Variants in FOXN3 observed in about 807,000 individuals in gnomAD.
FOXN3 encodes forkhead box protein N3.
A neutral mutation model predicts 38.4 loss-of-function variants in FOXN3; 7 were observed. That is an observed-to-expected ratio of 0.18 (90% CI 0.10 to 0.34). FOXN3 has a LOEUF of 0.34. Among genes scored for constraint, FOXN3 ranks in the 10% least tolerant of loss-of-function variants. The probability of loss-of-function intolerance (pLI) is 1.00; values close to 1 mark genes in which losing one functional copy is unlikely to be tolerated. For missense variants in FOXN3, 456 were observed against 613.4 expected, an observed-to-expected ratio of 0.74 and a Z score of 2.71; for synonymous variants, 230 against 242.2, an observed-to-expected ratio of 0.95 and a Z score of 0.47.
chr14:89,308,273 G>A (rs1314679195), intron 3 of FOXN3, among the ~76,000 whole-genome samples: 1 of 152,096 alleles, frequency 6.6e-6, no homozygotes, highest in Non-Finnish European at 1.5e-5. Flanking sequence ...CAAAACAAAT[G>A]AACAAACAGA....
intron 1 of FOXN3, among the ~76,000 whole-genome samples, chr14:89,558,986 C>T (rs1489119211): frequency 2.0e-5 from 3 of 152,282 alleles, no homozygotes; most frequent in Middle Eastern, 3.4e-3. Context: ...CTTTCTGGAA[C>T]GCACAGCGCT....
chr14:89,169,740 G>GA (rs971407490), intron 5 of FOXN3, among the ~76,000 whole-genome samples: 4 of 151,824 alleles, frequency 2.6e-5, no homozygotes, highest in African/African-American at 9.7e-5. Flanking sequence ...ACTAAATGAA[G>GA]AAAAACAGAA....
At chr14:89,435,843 C>CA (rs1892264351) in intron 1 of FOXN3, among the ~76,000 whole-genome samples, 1 of 152,182 alleles carries the variant, frequency 6.6e-6, no homozygotes, top group Non-Finnish European at 1.5e-5. Context: ...CCAATGGCTA[C>CA]AGTCATGCAA....
chr14:89,467,759 C>G (rs1435999588), intron 1 of FOXN3, among the ~76,000 whole-genome samples: 1 of 148,486 alleles, frequency 6.7e-6, no homozygotes, highest in Non-Finnish European at 1.5e-5. Flanking sequence ...CCAAGCCCAC[C>G]AAGCTCCCAG....
intron 1 of FOXN3, among the ~76,000 whole-genome samples, chr14:89,549,468 C>A (rs1453515131): frequency 1.3e-5 from 2 of 152,140 alleles, no homozygotes; most frequent in Non-Finnish European, 2.9e-5. Context: ...CGGAAAGACG[C>A]ATCCTCTGAG....
chr14:89,486,399 G>A (rs1027823262), intron 1 of FOXN3, among the ~76,000 whole-genome samples: 1 of 152,138 alleles, frequency 6.6e-6, no homozygotes, highest in Admixed American at 6.5e-5. Flanking sequence ...TGTCAAGTCT[G>A]ATCAGCTGCA....
intron 3 of FOXN3, among the ~76,000 whole-genome samples, chr14:89,287,968 G>A (rs1316910488): frequency 6.6e-6 from 1 of 152,056 alleles, no homozygotes; most frequent in East Asian, 1.9e-4. Context: ...GCTGAGGTGG[G>A]TGGATCGCTT....
upstream of FOXN3, chr14:89,417,864 G>T (rs1283141915): frequency 2.4e-6 from 1 of 422,928 alleles, no homozygotes; most frequent in Non-Finnish European, 4.8e-6. Context: ...GCCATTACAA[G>T]ACAAGAGGCA....
At chr14:89,618,883 A>C (rs532641506) in intron 1 of FOXN3, 1 of 152,552 alleles carries the variant, frequency 6.6e-6, no homozygotes, top group Admixed American at 6.5e-5. Flanking sequence ...ATCAATCTGA[A>C]ACCAGGTGGA....
chr14:89,430,946 G>A (rs993866141), intron 1 of FOXN3, among the ~76,000 whole-genome samples: 1 of 152,182 alleles, frequency 6.6e-6, no homozygotes, highest in Non-Finnish European at 1.5e-5. Flanking sequence ...ATGCGTTGCA[G>A]GCAAATTAAG....
intron 1 of FOXN3, among the ~76,000 whole-genome samples, chr14:89,602,818 C>T (rs562355234): frequency 6.6e-6 from 1 of 152,280 alleles, no homozygotes; most frequent in African/African-American, 2.4e-5. Flanking sequence ...AAAAGTCCAG[C>T]ACAACATTCA....
At chr14:89,360,772 C>G (rs1889498718) in intron 2 of FOXN3, among the ~76,000 whole-genome samples, 1 of 108,192 alleles carries the variant, frequency 9.2e-6, no homozygotes, top group South Asian at 3.4e-4. Flanking sequence ...ACCACTACCA[C>G]CTCCACCACC....
rs111572189 is a variant in FOXN3, at chr14:89,464,359, A to G, written c.-14-51869T>C. 5.6e-4 allele frequency among the ~76,000 whole-genome samples: 85 copies of G among 152,260 alleles called. 1 individual carries two copies. Among genetic ancestry groups the G allele is most frequent in the African/African-American group, 1.9e-3 (78 of 41,556 alleles). On this transcript the variant is annotated intron_variant, in intron 1 of 6. Transcript: ENST00000345097. Reference sequence around the variant, plus strand: ...AGCCTTCCCCTGATTCATGGCCAAGAGCACTCATCCTCTATAGCTCCTTGA... The same window carrying G: ...AGCCTTCCCCTGATTCATGGCCAAGGGCACTCATCCTCTATAGCTCCTTGA...
intron 1 of FOXN3, among the ~76,000 whole-genome samples, chr14:89,540,093 T>C (rs1894765272): frequency 6.6e-6 from 1 of 152,204 alleles, no homozygotes; most frequent in Non-Finnish European, 1.5e-5. Flanking sequence ...ATAAATACTT[T>C]TAGTTGTTTT....
chr14:89,510,073 A>G (rs1390938124), intron 1 of FOXN3, among the ~76,000 whole-genome samples: 3 of 152,174 alleles, frequency 2.0e-5, no homozygotes, highest in African/African-American at 7.2e-5. Context: ...GATAGATATC[A>G]GCAGGCAGAC....
intron 1 of FOXN3, among the ~76,000 whole-genome samples, chr14:89,528,060 T>C (rs993042130): frequency 1.3e-5 from 2 of 152,208 alleles, no homozygotes; most frequent in African/African-American, 4.8e-5. Context: ...CATACCCTGC[T>C]GGTAGAAATG....
chr14:89,477,074 T>C (rs768543455), intron 1 of FOXN3, among the ~76,000 whole-genome samples: 6 of 152,170 alleles, frequency 3.9e-5, no homozygotes, highest in South Asian at 2.1e-4. Flanking sequence ...AGTAAGGATA[T>C]TGAACTCACT....
chr14:89,208,374 T>C (rs1888440892), intron 4 of FOXN3, among the ~76,000 whole-genome samples: 1 of 152,200 alleles, frequency 6.6e-6, no homozygotes. Flanking sequence ...GCATTTTACT[T>C]CTTTAAATAG....
chr14:89,420,138 A>G (rs1433137493), upstream of FOXN3, among the ~76,000 whole-genome samples: 1 of 152,210 alleles, frequency 6.6e-6, no homozygotes, highest in Non-Finnish European at 1.5e-5. Context: ...TCCTCTGCTC[A>G]ATGATAACCA....
Sources: allele counts gnomAD v4.1 joint callset (sites outside exome capture counted in the v4.1 genomes callset), GRCh38; gene constraint gnomAD v4.1.1; transcripts MANE v1.5; gene names NCBI Gene and HGNC (gene_info 2026-07-23, HGNC 2026-07-21).